ELP2: variants seen among roughly 807,000 people sequenced by gnomAD.
The protein encoded by ELP2 is elongator acetyltransferase complex subunit 2.
ELP2 carries 90 observed loss-of-function variants against 119.2 expected under a neutral mutation model. The ratio of observed to expected loss-of-function variants is 0.75; its 90% CI spans 0.64 to 0.90. ELP2 has a LOEUF of 0.90. ELP2 is among the 40% of genes least tolerant of loss of function. The probability of loss-of-function intolerance (pLI) is 0.00; values close to 1 mark genes in which losing one functional copy is unlikely to be tolerated. For missense variants in ELP2, 921 were observed against 967.8 expected, an observed-to-expected ratio of 0.95 and a Z score of 0.64; for synonymous variants, 339 against 331.0, an observed-to-expected ratio of 1.02 and a Z score of -0.26.
intron 9 of ELP2, 24 bp downstream of exon 9, chr18:36,145,058 T>A (rs1274024942): frequency 2.6e-6 from 4 of 1,547,772 alleles, no homozygotes; most frequent in African/African-American, 1.4e-5. Context: ...CATACACATA[T>A]CCCTTACTCC....
Position 36,145,020 on chromosome 18 carries a change from C to G in ELP2, c.878C>G (p.Pro293Arg). The G allele has an allele frequency of 1.9e-6, 3 of 1,613,594 alleles. No homozygotes were observed. Among genetic ancestry groups the G allele is most frequent in the South Asian group, 2.2e-5 (2 of 91,074 alleles). The stretch of plus-strand genomic sequence containing the variant: ...TGGGTAAATGCAGTTCACTGGCAAC[C>G]TGTGTTTTACAAAGGTAGGAAGAAA... ...ENWVNAVHWQ[P>R]VFYKDGVLQQ... The change falls in exon 9 of 22, where the codon CCT (proline) becomes CGT (arginine). Residue 293 changes from proline (P) to arginine (R), a missense_variant. Pro to Arg is a moderately radical substitution (Grantham distance 103). Transcript: ENST00000358232.
intron 14 of ELP2, 45 bp from the exon 15 acceptor site, chr18:36,159,690 A>G (rs1598807578): frequency 1.4e-6 from 2 of 1,384,536 alleles, no homozygotes; most frequent in Non-Finnish European, 2.1e-6. Flanking sequence ...AGTGAAGGAG[A>G]TATAAAAATA....
At position 36,167,965 on chromosome 18, in the gene ELP2, C is replaced by CCA. The variant is rs766048049; in HGVS notation, c.2076+747_2076+748dup. Among the ~76,000 whole-genome samples, 585 of 152,350 alleles carry CCA rather than the reference C, an allele frequency of 3.8e-3. 7 individuals are homozygous for CCA. Among genetic ancestry groups the CCA allele is most frequent in the African/African-American group, 0.013 (555 of 41,584 alleles). ...GTGTTGGAATTACAGGCATGAGCCA[C>CCA]CACACCCAGCCTCAGAGTATGTTCT... On this transcript the variant is annotated intron_variant, in intron 19 of 21. Transcript: ENST00000358232.
At position 36,154,898 on chromosome 18, in the gene ELP2, C is replaced by G; in HGVS notation, c.1174C>G (p.Gln392Glu). Reference sequence around the variant, plus strand: ...CATTTCAGGACACTTTGATGGTGTCCAAGACCTAGTCTGGGATCCAGAAGG... The same window carrying G: ...CATTTCAGGACACTTTGATGGTGTCGAAGACCTAGTCTGGGATCCAGAAGG... ...IVISGHFDGV[Q>E]DLVWDPEGEF... The change falls in exon 12 of 22, where the codon CAA becomes GAA. Residue 392 changes from glutamine to glutamate, a missense_variant. Gln to Glu is a conservative substitution (Grantham distance 29). Transcript: ENST00000358232. 1 of 1,613,942 alleles carries G rather than the reference C, an allele frequency of 6.2e-7. No individual in the cohort carries two copies. Among genetic ancestry groups the G allele is most frequent in the Non-Finnish European group, 8.5e-7 (1 of 1,179,882 alleles).
In ELP2 at chr18:36,174,571, G is replaced by T; in HGVS notation, c.2411G>T (p.Trp804Leu). The change falls in exon 22 of 22, where the codon TGG (tryptophan) becomes TTG (leucine). Residue 804 changes from tryptophan (W) to leucine (L), a missense_variant. Physicochemically the swap from Trp to Leu is moderately conservative, Grantham distance 61. Transcript: ENST00000358232. The stretch of plus-strand genomic sequence containing the variant: ...CAGAAGGAAGCAGAAGGTGCTGAGT[G>T]GTTACACTTTGCAAGCTGTGGTGAA... ...TEQKEAEGAEWLHFASCGEDH... is the reference protein window; with the variant it reads ...TEQKEAEGAELLHFASCGEDH... 1.2e-6 allele frequency: 2 copies of T among 1,614,114 alleles called. No homozygotes were observed. The highest frequency in any genetic ancestry group is 1.7e-6 in the Non-Finnish European group (2 of 1,179,998).
At chr18:36,168,891 C>T (rs1284427668) in intron 19 of ELP2, among the ~76,000 whole-genome samples, 1 of 144,870 alleles carries the variant, frequency 6.9e-6, no homozygotes, top group African/African-American at 2.5e-5. Flanking sequence ...TACTGTTGTC[C>T]ACTTCACTTC....
At chr18:36,156,722 C>A in intron 13 of ELP2, 68 bp downstream of exon 13, 1 of 1,458,312 alleles carries the variant, frequency 6.9e-7, no homozygotes, top group Non-Finnish European at 9.6e-7. Flanking sequence ...GGATTTTTGC[C>A]TTAGGCTTTA....
chr18:36,158,766 C>T (rs2090643534), intron 13 of ELP2, 69 bp from the exon 14 acceptor site: 1 of 1,166,646 alleles, frequency 8.6e-7, no homozygotes, highest in African/African-American at 1.5e-5. Context: ...GTAACAGTAA[C>T]TTTTAGTTTT....
chr18:36,161,912 A>G (rs754034292), intron 17 of ELP2, among the ~76,000 whole-genome samples: 2 of 152,154 alleles, frequency 1.3e-5, no homozygotes, highest in African/African-American at 2.4e-5. Flanking sequence ...TCAGTAGTTC[A>G]AATGTCTGGG....
At chr18:36,139,319 A>G in intron 5 of ELP2, 1 of 1,193,540 alleles carries the variant, frequency 8.4e-7, no homozygotes, top group South Asian at 1.6e-5. Context: ...GCAAACAGAA[A>G]AATTTCCCTT....
intron 3 of ELP2, chr18:36,136,670 T>C: frequency 3.0e-6 from 1 of 336,676 alleles, no homozygotes; most frequent in Non-Finnish European, 5.5e-6. Flanking sequence ...TGTTGTTCTT[T>C]TATGAAGTTA....
At position 36,138,758 on chromosome 18, in the gene ELP2, T is replaced by G. The variant is rs375440731; in HGVS notation, c.446-37T>G. 18 of 1,506,714 alleles carry G rather than the reference T, an allele frequency of 1.2e-5. No individual in the cohort carries two copies. In the African/African-American group the frequency reaches 2.1e-4, roughly 17 times the overall value. 93.3% of individuals were successfully genotyped at this position (1,506,714 alleles called of 1,614,324 possible). A position where few individuals can be genotyped will look rare whatever the true frequency, so the allele number is the denominator to read the frequency against. On this transcript the variant is annotated intron_variant, in intron 4 of 21. Coordinates refer to ENST00000358232, the MANE Select transcript of ELP2 (RefSeq NM_018255.4). ...CTGTCTAGTTGGATAAGCTCTGAGG[T>G]AGTTAGTTGTTCATTGTGTTTTTTA...
chr18:36,145,874 T>G, intron 9 of ELP2, 74 bp from the exon 10 acceptor site: 8 of 1,237,866 alleles, frequency 6.5e-6, no homozygotes, highest in Non-Finnish European at 7.2e-6. Context: ...CCCATGTTGT[T>G]TGTTGTTTTT....
At chr18:36,171,479 A>G (rs2144826729) in intron 21 of ELP2, among the ~76,000 whole-genome samples, 1 of 152,288 alleles carries the variant, frequency 6.6e-6, no homozygotes, top group South Asian at 2.1e-4. Context: ...TTGATTCAAA[A>G]TGTTTGTGAT....
intron 17 of ELP2, among the ~76,000 whole-genome samples, chr18:36,161,349 C>A (rs1320340108): frequency 6.6e-6 from 1 of 152,032 alleles, no homozygotes; most frequent in African/African-American, 2.4e-5. Flanking sequence ...GTCAAGATCG[C>A]GCCACTGCAC....
rs1187904041 is a variant in ELP2, at chr18:36,159,767, G to A, written c.1567G>A (p.Glu523Lys). 1 of 1,613,834 alleles carries A rather than the reference G, an allele frequency of 6.2e-7. No homozygotes were observed. The highest frequency in any genetic ancestry group is 1.3e-5 in the African/African-American group (1 of 74,912). The change falls in exon 15 of 22, where the codon GAG becomes AAG. Residue 523 changes from glutamate (E) to lysine (K), a missense_variant. Physicochemically the swap from Glu to Lys is moderately conservative, Grantham distance 56. Transcript: ENST00000358232. ...AGCTTCTCAGCCTTCTGATGAAGAG[G>A]AGCTGTTAACTAGTACTGGTTTTGA... ...DIASQPSDEE[E>K]LLTSTGFEYQ...
chr18:36,177,788 T>C lies in ELP2; in HGVS notation c.*3147T>C, dbSNP rs567522603. On this transcript the variant is annotated 3_prime_UTR_variant, in exon 22 of 22. Transcript: ENST00000358232. ...ACTAAGGTTAGATAGGTGTTCTTTA[T>C]TGCAGGAATTCTAAGAGCATTTAAC... 1 of 152,338 alleles carries C rather than the reference T, an allele frequency of 6.6e-6. No individual in the cohort carries two copies. Among genetic ancestry groups the C allele is most frequent in the South Asian group, 2.1e-4 (1 of 4,828 alleles). 9.4% of individuals were successfully genotyped at this position (152,338 alleles called of 1,614,324 possible).
In ELP2 at chr18:36,164,471, A is replaced by G. The variant is rs1181822937; in HGVS notation, c.1762-4A>G. ...AGCTTCATTGTTTCATCTCTGTCCT[A>G]TAGGCAGCTAAGAAAGAGCATGCAG... On this transcript the variant is annotated splice_polypyrimidine_tract_variant and splice_region_variant and intron_variant, in intron 17 of 21. Transcript: ENST00000358232. The G allele has an allele frequency of 2.1e-5, 34 of 1,613,218 alleles. No individual in the cohort carries two copies. The highest frequency in any genetic ancestry group is 2.8e-5 in the Non-Finnish European group (33 of 1,179,362).
chr18:36,159,905 A>T, intron 15 of ELP2, 53 bp from the exon 16 acceptor site: 1 of 1,605,552 alleles, frequency 6.2e-7, no homozygotes, highest in Non-Finnish European at 8.5e-7. Context: ...GACCTAAATA[A>T]GTGCTATAGA....
Sources: gnomAD v4.1 joint callset for allele counts (sites outside exome capture counted in the v4.1 genomes callset) on GRCh38, gnomAD v4.1.1 for gene constraint, MANE v1.5 for transcripts, NCBI Gene and HGNC (gene_info 2026-07-23, HGNC 2026-07-21) for gene names.